DNAJC8: variants seen among roughly 807,000 people sequenced by gnomAD.
The protein encoded by DNAJC8 is dnaJ homolog subfamily C member 8.
DNAJC8 carries 24 observed loss-of-function variants against 43.2 expected under a neutral mutation model. The ratio of observed to expected loss-of-function variants is 0.56; its 90% CI spans 0.40 to 0.78. DNAJC8 has a LOEUF of 0.78. Ranked by LOEUF, DNAJC8 falls within the 30% of genes least tolerant of loss-of-function variation. The pLI is 0.00. For synonymous variants in DNAJC8, 83 were observed against 98.0 expected (o/e 0.85, Z 0.90); for missense variants, 207 against 299.4 (o/e 0.69, Z 2.28).
intron 2 of DNAJC8, among the ~76,000 whole-genome samples, chr1:28,228,348 CAAAAAAAAAAAA>C (rs78440134): frequency 1.3e-5 from 1 of 74,818 alleles, no homozygotes; most frequent in African/African-American, 4.8e-5. Context: ...GACTCCGTCT[CAAAAAAAAAAAA>C]AAAAAAAAAG....
chr1:28,223,713 CA>C (rs750905346), intron 2 of DNAJC8, among the ~76,000 whole-genome samples: 155 of 106,548 alleles, frequency 1.5e-3, no homozygotes, highest in Middle Eastern at 4.9e-3. Context: ...CTTGTCTTTA[CA>C]AAAAAAAAAA....
chr1:28,215,397 T>C (rs2149018560), intron 2 of DNAJC8, among the ~76,000 whole-genome samples: 1 of 152,282 alleles, frequency 6.6e-6, no homozygotes, highest in South Asian at 2.1e-4. Context: ...GGACACTTTA[T>C]AATTTACAAG....
chr1:28,227,090 ATT>A (rs1646940581), intron 2 of DNAJC8, among the ~76,000 whole-genome samples: 1 of 134,336 alleles, frequency 7.4e-6, no homozygotes, highest in African/African-American at 2.8e-5. Context: ...AAAAAAAAGA[ATT>A]TCTCTCTCTC....
At chr1:28,220,315 T>C (rs1228303673) in intron 2 of DNAJC8, among the ~76,000 whole-genome samples, 4 of 152,218 alleles carry the variant, frequency 2.6e-5, no homozygotes, top group African/African-American at 9.6e-5. Context: ...CTGCGGCCGG[T>C]CCTCTTTGAA....
At chr1:28,214,012 T>C (rs773829008) in intron 3 of DNAJC8, among the ~76,000 whole-genome samples, 1 of 151,904 alleles carries the variant, frequency 6.6e-6, no homozygotes, top group Non-Finnish European at 1.5e-5. Flanking sequence ...TGAGACCCTG[T>C]CTCAAAAAAT....
At chr1:28,204,678 G>A (rs986487657) in intron 7 of DNAJC8, among the ~76,000 whole-genome samples, 2 of 152,130 alleles carry the variant, frequency 1.3e-5, no homozygotes, top group Non-Finnish European at 2.9e-5. Context: ...CTTAATAACT[G>A]CTTATTTCAC....
intron 8 of DNAJC8, among the ~76,000 whole-genome samples, chr1:28,202,357 A>T (rs1188234639): frequency 6.7e-6 from 1 of 149,316 alleles, no homozygotes; most frequent in Non-Finnish European, 1.5e-5. Flanking sequence ...TCGGCTCACT[A>T]CAACCTCTGC....
At chr1:28,228,427 T>C (rs1427011171) in intron 2 of DNAJC8, among the ~76,000 whole-genome samples, 1 of 151,568 alleles carries the variant, frequency 6.6e-6, no homozygotes, top group African/African-American at 2.4e-5. Context: ...AATCCTTATA[T>C]ATTTGGGTTG....
At chr1:28,205,211 T>TA in intron 7 of DNAJC8, 47 bp downstream of exon 7, 2 of 1,399,714 alleles carry the variant, frequency 1.4e-6, no homozygotes, top group Non-Finnish European at 2.0e-6. Flanking sequence ...CAATGTTAGT[T>TA]AATCTAGGTA....
intron 2 of DNAJC8, among the ~76,000 whole-genome samples, chr1:28,218,047 C>G (rs1281537022): frequency 6.7e-6 from 1 of 149,112 alleles, no homozygotes; most frequent in Non-Finnish European, 1.5e-5. Context: ...TTCCTAAGCT[C>G]TAATTTTATT....
At chr1:28,213,876 C>G (rs939664351) in intron 3 of DNAJC8, among the ~76,000 whole-genome samples, 1 of 151,908 alleles carries the variant, frequency 6.6e-6, no homozygotes, top group African/African-American at 2.4e-5. Flanking sequence ...ATTATCTGAG[C>G]ATGGTGATGC....
intron 3 of DNAJC8, among the ~76,000 whole-genome samples, chr1:28,211,311 C>T (rs914894287): frequency 4.6e-5 from 7 of 152,198 alleles, no homozygotes; most frequent in African/African-American, 1.7e-4. Flanking sequence ...CCAAAAGGCT[C>T]CAAAATCTGA....
At chr1:28,230,925 T>TG (rs1192490239) in intron 1 of DNAJC8, among the ~76,000 whole-genome samples, 1 of 152,250 alleles carries the variant, frequency 6.6e-6, no homozygotes, top group Non-Finnish European at 1.5e-5. Flanking sequence ...CACAGCCTGC[T>TG]GGGGGGCAAC....
chr1:28,201,479 T>C lies in DNAJC8; in HGVS notation c.640-109A>G, dbSNP rs532393470. On this transcript the variant is annotated intron_variant, in intron 8 of 8. Coordinates refer to ENST00000263697, the MANE Select transcript of DNAJC8 (RefSeq NM_014280.3). The stretch of plus-strand genomic sequence containing the variant: ...TGTAGCCCAGCCCACTTCAGTCCTC[T>C]GGAATAACCCAAGAGTAGAATAGAG... 1.3e-6 allele frequency: 2 copies of C among 1,515,772 alleles called. 1 individual carries two copies. Among genetic ancestry groups the C allele is most frequent in the South Asian group, 2.4e-5 (2 of 83,782 alleles). The allele number at this position is 1,515,772 out of a possible 1,614,324, so 93.9% of individuals were successfully genotyped here.
chr1:28,211,052 T>C (rs1646807185), intron 3 of DNAJC8, among the ~76,000 whole-genome samples: 1 of 152,078 alleles, frequency 6.6e-6, no homozygotes, highest in Non-Finnish European at 1.5e-5. Flanking sequence ...TGGTCGCCTG[T>C]AGTCCAAGCT....
chr1:28,202,453 G>C (rs1015988838), intron 8 of DNAJC8, among the ~76,000 whole-genome samples: 1 of 151,676 alleles, frequency 6.6e-6, no homozygotes, highest in African/African-American at 2.4e-5. Context: ...CTAATTTTTT[G>C]TATTTTTAGT....
Position 28,202,147 on chromosome 1 carries a change from T to C in DNAJC8, c.640-777A>G, listed in dbSNP as rs988095075. On this transcript the variant is annotated intron_variant, in intron 8 of 8. Transcript: ENST00000263697. ...CTCCCAAGGGCCCAAGAAAGTGTCA[T>C]AGCACCCCTAGAACGCAGGATGAGC... Among the ~76,000 whole-genome samples, 20 of 152,280 alleles carry C rather than the reference T, an allele frequency of 1.3e-4. No homozygotes were observed. The South Asian group carries it at 4.1e-3, about 32-fold the overall frequency.
At position 28,210,068 on chromosome 1, in the gene DNAJC8, T is replaced by C; in HGVS notation, c.305-2A>G. On this transcript the variant is annotated splice_acceptor_variant, in intron 4 of 8. Transcript: ENST00000263697. LOFTEE classifies it high-confidence loss of function. The stretch of plus-strand genomic sequence containing the variant: ...GCAACTTGTAAGCTTTGTCCACAGC[T>C]AATGCAAAACATTGAAATTAACTGT... 1.9e-6 allele frequency: 3 copies of C among 1,613,952 alleles called. No individual in the cohort carries two copies. Among genetic ancestry groups the C allele is most frequent in the Non-Finnish European group, 2.5e-6 (3 of 1,179,802 alleles).
chr1:28,222,759 G>A (rs1466420599), intron 2 of DNAJC8, among the ~76,000 whole-genome samples: 1 of 152,090 alleles, frequency 6.6e-6, no homozygotes, highest in Non-Finnish European at 1.5e-5. Context: ...GTCACAGGGT[G>A]CTGAAGCCCA....
Sources: allele counts gnomAD v4.1 joint callset (sites outside exome capture counted in the v4.1 genomes callset), GRCh38; gene constraint gnomAD v4.1.1; transcripts MANE v1.5; gene names NCBI Gene and HGNC (gene_info 2026-07-23, HGNC 2026-07-21).